Variants in SLC35D4 observed in about 807,000 individuals in gnomAD.
SLC35D4 encodes the protein UDP-N-acetylglucosamine transporter SLC35D4.
chr18:23,340,820 C>T, the SLC35D4 span, among the ~76,000 whole-genome samples: 2 of 152,172 alleles, frequency 1.3e-5, no homozygotes, highest in African/African-American at 2.4e-5. Context: ...GCTGCTGTCC[C>T]GGGAAGCTTC....
the SLC35D4 span, among the ~76,000 whole-genome samples, chr18:23,309,229 T>A: frequency 1.3e-4 from 1 of 7,422 alleles, no homozygotes; most frequent in Non-Finnish European, 2.1e-4. Context: ...AAGGGCTGAT[T>A]GTGTGTGTGT....
At chr18:23,389,043 G>T in the SLC35D4 span, among the ~76,000 whole-genome samples, 3 of 144,770 alleles carry the variant, frequency 2.1e-5, no homozygotes, top group African/African-American at 7.8e-5. Flanking sequence ...AGGCCAGAGT[G>T]CAGTGGCGCC....
the SLC35D4 span, among the ~76,000 whole-genome samples, chr18:23,342,928 C>CT: frequency 0.097 from 14,340 of 147,344 alleles, 898 homozygotes; most frequent in Middle Eastern, 0.21. Flanking sequence ...TCAACATTAT[C>CT]TTTTTTTTTT....
At chr18:23,361,329 A>G in the SLC35D4 span, among the ~76,000 whole-genome samples, 16 of 151,738 alleles carry the variant, frequency 1.1e-4, no homozygotes, top group African/African-American at 3.6e-4. Flanking sequence ...GACGTTCTAG[A>G]TAGCAAGTGT....
the SLC35D4 span, among the ~76,000 whole-genome samples, chr18:23,331,832 C>T: frequency 6.7e-6 from 1 of 148,964 alleles, no homozygotes; most frequent in Non-Finnish European, 1.5e-5. Context: ...ACTATTTCAT[C>T]TAGTTAGGTG....
the SLC35D4 span, chr18:23,310,153 G>A: frequency 2.1e-6 from 2 of 937,874 alleles, no homozygotes; most frequent in African/African-American, 1.8e-5. Flanking sequence ...CCTGTTCTCG[G>A]ATCCTCCAGA....
chr18:23,404,653 C>T, the SLC35D4 span, among the ~76,000 whole-genome samples: 1 of 147,330 alleles, frequency 6.8e-6, no homozygotes, highest in Admixed American at 6.9e-5. Flanking sequence ...CACGCCATTG[C>T]ACTCCAGCCT....
chr18:23,407,796 C>A, the SLC35D4 span, among the ~76,000 whole-genome samples: 1 of 152,090 alleles, frequency 6.6e-6, no homozygotes, highest in Non-Finnish European at 1.5e-5. Context: ...GGTATCTTTC[C>A]GTAGGATATG....
At chr18:23,258,373 T>C in the SLC35D4 span, 1 of 152,384 alleles carries the variant, frequency 6.6e-6, no homozygotes, top group African/African-American at 2.4e-5. Flanking sequence ...GACGCATGAT[T>C]GGTGTTTGAG....
At chr18:23,301,911 G>C in the SLC35D4 span, among the ~76,000 whole-genome samples, 4 of 152,164 alleles carry the variant, frequency 2.6e-5, no homozygotes, top group African/African-American at 9.7e-5. Flanking sequence ...TAAATTACTG[G>C]GCTTGAAATA....
At chr18:23,398,225 C>T in the SLC35D4 span, among the ~76,000 whole-genome samples, 5 of 152,108 alleles carry the variant, frequency 3.3e-5, no homozygotes, top group South Asian at 2.1e-4. Context: ...TAAAAGGACA[C>T]GAAGGAAATC....
the SLC35D4 span, among the ~76,000 whole-genome samples, chr18:23,300,304 G>A: frequency 6.6e-6 from 1 of 152,154 alleles, no homozygotes; most frequent in Admixed American, 6.5e-5. Context: ...AAGTTCCCAG[G>A]CAATGCAGAG....
the SLC35D4 span, among the ~76,000 whole-genome samples, chr18:23,240,167 T>G: frequency 7.5e-3 from 1,144 of 152,160 alleles, 11 homozygotes; most frequent in African/African-American, 0.026. Flanking sequence ...GGGTTGGACG[T>G]GGGCCCCAGG....
At chr18:23,429,161 T>C in the SLC35D4 span, among the ~76,000 whole-genome samples, 2 of 152,130 alleles carry the variant, frequency 1.3e-5, no homozygotes, top group African/African-American at 4.8e-5. Flanking sequence ...TACACGTGAG[T>C]GTAGGTATAT....
the SLC35D4 span, among the ~76,000 whole-genome samples, chr18:23,365,168 G>C: frequency 6.6e-6 from 1 of 152,118 alleles, no homozygotes; most frequent in African/African-American, 2.4e-5. Context: ...AGCAGGCCTT[G>C]GGAAACATTA....
At chr18:23,423,397 G>A in the SLC35D4 span, among the ~76,000 whole-genome samples, 4 of 152,330 alleles carry the variant, frequency 2.6e-5, no homozygotes, top group Middle Eastern at 3.4e-3. Flanking sequence ...CCTCCAGGGG[G>A]CATTTGGCAG....
chr18:23,387,621 T>C, the SLC35D4 span, among the ~76,000 whole-genome samples: 3 of 152,228 alleles, frequency 2.0e-5, no homozygotes, highest in Non-Finnish European at 2.9e-5. Context: ...GACATATTTT[T>C]ACCTTGTTTT....
chr18:23,398,910 A>T, the SLC35D4 span, among the ~76,000 whole-genome samples: 1 of 152,222 alleles, frequency 6.6e-6, no homozygotes. Flanking sequence ...AGGTATTAAC[A>T]TCATTCCTGA....
the SLC35D4 span, among the ~76,000 whole-genome samples, chr18:23,428,684 ATT>A: frequency 5.3e-4 from 77 of 145,776 alleles, no homozygotes; most frequent in Admixed American, 8.9e-4. Context: ...TGCCTAGCTA[ATT>A]TTTTTTTTTT....
Sources: gnomAD v4.1 joint callset for allele counts (sites outside exome capture counted in the v4.1 genomes callset) on GRCh38, gnomAD v4.1.1 for gene constraint, MANE v1.5 for transcripts, NCBI Gene and HGNC (gene_info 2026-07-23, HGNC 2026-07-21) for gene names.